The following IL16 variants were observed in gnomAD, a reference collection of about 807,000 sequenced individuals.
The protein encoded by IL16 is pro-interleukin-16.
IL16 carries 67 observed loss-of-function variants against 110.1 expected under a neutral mutation model. The ratio of observed to expected loss-of-function variants is 0.61; its 90% CI spans 0.50 to 0.75. The LOEUF (loss-of-function observed/expected upper bound fraction) is 0.75. Among genes scored for constraint, IL16 ranks in the 30% least tolerant of loss-of-function variants. IL16 has a pLI of 0.00. For synonymous variants in IL16, 689 were observed against 662.9 expected (o/e 1.04, Z -0.61); for missense variants, 1,545 against 1,655.0 (o/e 0.93, Z 1.15).
rs549873305 is a variant in IL16 at position 81,243,995 on chromosome 15, TA to T, written c.313-15771del. On this transcript the variant is annotated intron_variant, in intron 2 of 18. Coordinates refer to ENST00000683961, the MANE Select transcript of IL16 (RefSeq NM_172217.5). ...AGGTTTGTTTCATTGATTGTCTCTA[TA>T]AAAAATCTTGTATAGCTTTTTTAGT... 1.4e-4 allele frequency among the ~76,000 whole-genome samples: 21 copies of T among 152,302 alleles called. No individual in the cohort carries two copies. In the East Asian group the frequency reaches 4.0e-3, roughly 29 times the overall value.
At chr15:81,289,690 T>C (rs1182960581) in intron 10 of IL16, among the ~76,000 whole-genome samples, 2 of 152,256 alleles carry the variant, frequency 1.3e-5, no homozygotes, top group Non-Finnish European at 2.9e-5. Context: ...CTCAACTATT[T>C]ATCTGAAATA....
At chr15:81,199,030 A>AAAATT (rs1555411597) in intron 1 of IL16, among the ~76,000 whole-genome samples, 2 of 104,202 alleles carry the variant, frequency 1.9e-5, no homozygotes, top group African/African-American at 1.0e-4. Context: ...AAAAAAAAAA[A>AAAATT]ATATATATAT....
intron 2 of IL16, among the ~76,000 whole-genome samples, chr15:81,252,528 A>C (rs779390605): frequency 3.6e-4 from 55 of 152,212 alleles, no homozygotes; most frequent in Non-Finnish European, 7.3e-4. Context: ...GTGTAATGTT[A>C]AATGGTTTTT....
intron 1 of IL16, among the ~76,000 whole-genome samples, chr15:81,216,381 A>G (rs966412156): frequency 6.6e-6 from 1 of 152,170 alleles, no homozygotes; most frequent in Admixed American, 6.5e-5. Context: ...TGTTTGGGCC[A>G]GGAACTAGCC....
intron 4 of IL16, among the ~76,000 whole-genome samples, chr15:81,268,649 C>T (rs549325506): frequency 2.3e-4 from 35 of 152,392 alleles, no homozygotes; most frequent in Non-Finnish European, 1.8e-4. Flanking sequence ...TGTCTGCTTT[C>T]GTGGACATGC....
intron 2 of IL16, among the ~76,000 whole-genome samples, chr15:81,230,570 A>G (rs922308076): frequency 8.5e-5 from 13 of 152,194 alleles, no homozygotes; most frequent in African/African-American, 3.1e-4. Context: ...TCTGTCCCTT[A>G]TCTCTTCCCC....
chr15:81,262,995 G>C (rs1327583864), intron 3 of IL16, among the ~76,000 whole-genome samples: 1 of 152,136 alleles, frequency 6.6e-6, no homozygotes, highest in African/African-American at 2.4e-5. Context: ...TTTTTACTTA[G>C]CTCTTTTTAT....
intron 1 of IL16, among the ~76,000 whole-genome samples, chr15:81,218,786 T>G (rs1222420972): frequency 6.6e-6 from 1 of 152,230 alleles, no homozygotes; most frequent in Non-Finnish European, 1.5e-5. Context: ...GCAGACATAT[T>G]TCCATATCTA....
At chr15:81,198,619 G>T (rs1286964279) in intron 1 of IL16, among the ~76,000 whole-genome samples, 3 of 151,750 alleles carry the variant, frequency 2.0e-5, no homozygotes, top group African/African-American at 7.3e-5. Context: ...TTTGGCAGAG[G>T]CAGACCAGGA....
intron 11 of IL16, chr15:81,292,292 T>G: frequency 2.0e-6 from 1 of 507,246 alleles, no homozygotes; most frequent in South Asian, 2.0e-5. Flanking sequence ...CACCAAGCCC[T>G]TCCTCGATGG....
intron 2 of IL16, among the ~76,000 whole-genome samples, chr15:81,232,054 T>TTG (rs1897018668): frequency 1.5e-5 from 2 of 133,544 alleles, no homozygotes; most frequent in Non-Finnish European, 3.1e-5. Flanking sequence ...TTTTTTTTTT[T>TTG]TTTTTTTTTT....
chr15:81,207,735 G>A (rs1274994948), intron 1 of IL16, among the ~76,000 whole-genome samples: 5 of 152,008 alleles, frequency 3.3e-5, no homozygotes, highest in Non-Finnish European at 5.9e-5. Context: ...AGTATTTCAT[G>A]GTGATACGTA....
chr15:81,306,333 G>A, intron 17 of IL16, 87 bp from the exon 18 acceptor site: 1 of 1,571,004 alleles, frequency 6.4e-7, no homozygotes, highest in Non-Finnish European at 8.6e-7. Context: ...CACGGGGGCT[G>A]TATCACCCCG....
At chr15:81,183,291 C>T (rs945643040) in intron 1 of IL16, among the ~76,000 whole-genome samples, 5 of 152,208 alleles carry the variant, frequency 3.3e-5, no homozygotes, top group Non-Finnish European at 1.5e-5. Flanking sequence ...GGGTCCCCAC[C>T]AGTTCCGCTC....
intron 1 of IL16, among the ~76,000 whole-genome samples, chr15:81,224,229 G>T (rs183762083): frequency 3.3e-5 from 5 of 152,308 alleles, no homozygotes; most frequent in African/African-American, 1.2e-4. Context: ...ATGTTATTAG[G>T]TCTCTGCTAT....
intron 1 of IL16, chr15:81,183,025 G>A: frequency 8.4e-6 from 4 of 476,362 alleles, no homozygotes; most frequent in Non-Finnish European, 1.6e-5. Context: ...ATATGAGTGA[G>A]TGTGTGTGTG....
intron 2 of IL16, among the ~76,000 whole-genome samples, chr15:81,256,389 A>G (rs1430004009): frequency 6.8e-6 from 1 of 147,836 alleles, no homozygotes; most frequent in African/African-American, 2.5e-5. Flanking sequence ...GCTGAAGTAC[A>G]GTGGCAGGAT....
At chr15:81,254,444 G>C (rs554589837) in intron 2 of IL16, among the ~76,000 whole-genome samples, 2 of 152,266 alleles carry the variant, frequency 1.3e-5, no homozygotes, top group South Asian at 4.1e-4. Context: ...TGACTGTTTA[G>C]CCCTAGCAGT....
At chr15:81,270,355 G>A (rs1221978327) in intron 5 of IL16, among the ~76,000 whole-genome samples, 2 of 152,204 alleles carry the variant, frequency 1.3e-5, no homozygotes, top group African/African-American at 4.8e-5. Flanking sequence ...CTAAAGTAAT[G>A]AAAGGGTGGT....
Sources: allele counts gnomAD v4.1 joint callset (sites outside exome capture counted in the v4.1 genomes callset), GRCh38; gene constraint gnomAD v4.1.1; transcripts MANE v1.5; gene names NCBI Gene and HGNC (gene_info 2026-07-23, HGNC 2026-07-21).